HS6ST3: variants seen among roughly 807,000 people sequenced by gnomAD.
The protein encoded by HS6ST3 is heparan-sulfate 6-O-sulfotransferase 3.
In HS6ST3, 12 loss-of-function variants were observed where a neutral mutation model predicts 36.7. That is an observed-to-expected ratio of 0.33 (90% CI 0.21 to 0.53). The LOEUF is 0.53. Ranked by LOEUF, HS6ST3 falls within the 20% of genes least tolerant of loss-of-function variation. The pLI, the probability that HS6ST3 is intolerant of heterozygous loss-of-function variation, is 0.95. For synonymous variants in HS6ST3, 240 were observed against 257.5 expected (o/e 0.93, Z 0.65); for missense variants, 584 against 640.9 (o/e 0.91, Z 0.96).
At chr13:96,187,561 G>A (rs1735045182) in intron 1 of HS6ST3, among the ~76,000 whole-genome samples, 2 of 152,118 alleles carry the variant, frequency 1.3e-5, no homozygotes, top group African/African-American at 2.4e-5. Flanking sequence ...GCAGTGCCCC[G>A]TGGCTTCATA....
chr13:96,287,937 G>T (rs968779618), intron 1 of HS6ST3, among the ~76,000 whole-genome samples: 1 of 152,156 alleles, frequency 6.6e-6, no homozygotes. Context: ...TTTTGCAGAT[G>T]TGGAGGCTGA....
intron 1 of HS6ST3, among the ~76,000 whole-genome samples, chr13:96,790,438 C>T (rs981965854): frequency 1.3e-5 from 2 of 151,798 alleles, no homozygotes; most frequent in African/African-American, 4.8e-5. Flanking sequence ...ACTCGAGTTT[C>T]AAATATTTGT....
intron 1 of HS6ST3, among the ~76,000 whole-genome samples, chr13:96,753,944 C>T (rs975938017): frequency 3.3e-5 from 5 of 152,050 alleles, no homozygotes; most frequent in Admixed American, 6.6e-5. Context: ...CTCAGCCTCT[C>T]GATTACTGGG....
At chr13:96,209,851 G>A (rs968044305) in intron 1 of HS6ST3, among the ~76,000 whole-genome samples, 2 of 152,146 alleles carry the variant, frequency 1.3e-5, no homozygotes, top group African/African-American at 4.8e-5. Flanking sequence ...GTATCCAGTA[G>A]GGGTGACCAT....
intron 1 of HS6ST3, among the ~76,000 whole-genome samples, chr13:96,193,670 A>G (rs1012000039): frequency 1.3e-5 from 2 of 152,228 alleles, no homozygotes; most frequent in Non-Finnish European, 2.9e-5. Context: ...GAGGAGAAAA[A>G]GAAAGCGAGA....
chr13:96,148,356 A>G (rs1322772027), intron 1 of HS6ST3, among the ~76,000 whole-genome samples: 2 of 152,234 alleles, frequency 1.3e-5, no homozygotes, highest in Non-Finnish European at 2.9e-5. Context: ...CTCACAGTCA[A>G]TTAATTCAAA....
chr13:96,204,992 C>T (rs906684602), intron 1 of HS6ST3, among the ~76,000 whole-genome samples: 1 of 151,958 alleles, frequency 6.6e-6, no homozygotes, highest in Non-Finnish European at 1.5e-5. Context: ...AAAATCAGAG[C>T]TGAACTGGAG....
At chr13:96,361,231 A>C (rs2139436044) in intron 1 of HS6ST3, among the ~76,000 whole-genome samples, 1 of 152,284 alleles carries the variant, frequency 6.6e-6, no homozygotes, top group South Asian at 2.1e-4. Context: ...GTCCAGGCTA[A>C]CAGTAACTGA....
At chr13:96,686,974 A>G (rs1291856921) in intron 1 of HS6ST3, among the ~76,000 whole-genome samples, 1 of 152,056 alleles carries the variant, frequency 6.6e-6, no homozygotes, top group African/African-American at 2.4e-5. Flanking sequence ...AGTGGAGATA[A>G]AAGCACAATT....
chr13:96,762,163 G>T (rs1876986727), intron 1 of HS6ST3, among the ~76,000 whole-genome samples: 1 of 152,098 alleles, frequency 6.6e-6, no homozygotes, highest in Non-Finnish European at 1.5e-5. Flanking sequence ...TCAAGCCAAA[G>T]TTGGGGAGTT....
intron 1 of HS6ST3, among the ~76,000 whole-genome samples, chr13:96,301,666 C>T (rs760554450): frequency 4.6e-5 from 7 of 152,004 alleles, no homozygotes; most frequent in Middle Eastern, 3.4e-3. Context: ...CTAAGGTAGG[C>T]GGATCAGATG....
At chr13:96,544,088 A>G (rs2056188309) in intron 1 of HS6ST3, among the ~76,000 whole-genome samples, 1 of 152,098 alleles carries the variant, frequency 6.6e-6, no homozygotes, top group Non-Finnish European at 1.5e-5. Context: ...CCCTACATCC[A>G]CAGAATGGCA....
intron 1 of HS6ST3, among the ~76,000 whole-genome samples, chr13:96,582,717 T>C (rs2056346296): frequency 6.6e-6 from 1 of 152,166 alleles, no homozygotes; most frequent in African/African-American, 2.4e-5. Flanking sequence ...ATAGAAATCA[T>C]TTATCTTTCA....
chr13:96,263,382 G>A (rs1437227698), intron 1 of HS6ST3, among the ~76,000 whole-genome samples: 2 of 152,102 alleles, frequency 1.3e-5, no homozygotes. Context: ...AGTTTTTCCA[G>A]TCCGTATTCT....
At chr13:96,759,244 G>A (rs1876908299) in intron 1 of HS6ST3, among the ~76,000 whole-genome samples, 1 of 151,566 alleles carries the variant, frequency 6.6e-6, no homozygotes, top group African/African-American at 2.4e-5. Flanking sequence ...TTACCCAGTT[G>A]GAAAATTGCT....
At chr13:96,573,050 G>A (rs1258026593) in intron 1 of HS6ST3, among the ~76,000 whole-genome samples, 1 of 152,118 alleles carries the variant, frequency 6.6e-6, no homozygotes, top group African/African-American at 2.4e-5. Context: ...TCAAGGACAT[G>A]GTGCAGAGAA....
chr13:96,517,055 C>T (rs1455175136), intron 1 of HS6ST3, among the ~76,000 whole-genome samples: 1 of 152,184 alleles, frequency 6.6e-6, no homozygotes, highest in Non-Finnish European at 1.5e-5. Context: ...AGTATCATCA[C>T]TTTCACCTAA....
At chr13:96,367,372 G>A (rs1566339403) in intron 1 of HS6ST3, among the ~76,000 whole-genome samples, 1 of 152,152 alleles carries the variant, frequency 6.6e-6, no homozygotes, top group Non-Finnish European at 1.5e-5. Flanking sequence ...CAGGATAATA[G>A]GGTTCAAATT....
chr13:96,331,899 G>A (rs896820000), intron 1 of HS6ST3, among the ~76,000 whole-genome samples: 2 of 152,214 alleles, frequency 1.3e-5, no homozygotes, highest in Non-Finnish European at 2.9e-5. Context: ...CGTTTTTTAA[G>A]CCGGTCTGAA....
Sources: gnomAD v4.1 joint callset for allele counts (sites outside exome capture counted in the v4.1 genomes callset) on GRCh38, gnomAD v4.1.1 for gene constraint, MANE v1.5 for transcripts, NCBI Gene and HGNC (gene_info 2026-07-23, HGNC 2026-07-21) for gene names.